The following LAMA3 variants were observed in gnomAD, a reference collection of about 807,000 sequenced individuals.
LAMA3 encodes laminin subunit alpha-3.
Under a neutral mutation model 402.0 loss-of-function variants are expected in LAMA3, and 281 were observed. The observed-to-expected ratio is 0.70, with a 90% CI of 0.63 to 0.77. LAMA3 has a LOEUF of 0.77. LAMA3 is among the 30% of genes least tolerant of loss of function. The pLI, the probability that LAMA3 is intolerant of heterozygous loss-of-function variation, is 0.00. For missense variants in LAMA3, 3,840 were observed against 4,215.5 expected, an observed-to-expected ratio of 0.91 and a Z score of 2.47; for synonymous variants, 1,431 against 1,558.4, an observed-to-expected ratio of 0.92 and a Z score of 1.93.
chr18:23,880,539 A>C (rs1568291024), intron 39 of LAMA3, among the ~76,000 whole-genome samples: 1 of 152,332 alleles, frequency 6.6e-6, no homozygotes, highest in East Asian at 1.9e-4. Context: ...CTTGGGATAT[A>C]AACGTATATT....
intron 2 of LAMA3, among the ~76,000 whole-genome samples, chr18:23,718,952 C>G (rs1471748866): frequency 6.6e-6 from 1 of 152,224 alleles, no homozygotes; most frequent in Non-Finnish European, 1.5e-5. Flanking sequence ...TACCGCATTT[C>G]CCTGCCTCTC....
intron 2 of LAMA3, among the ~76,000 whole-genome samples, chr18:23,727,516 G>C (rs575358049): frequency 6.6e-6 from 1 of 152,152 alleles, no homozygotes; most frequent in East Asian, 1.9e-4. Context: ...ACTACAGATG[G>C]GGTTTTGCCA....
At chr18:23,728,736 G>A (rs1237507566) in intron 2 of LAMA3, among the ~76,000 whole-genome samples, 3 of 152,030 alleles carry the variant, frequency 2.0e-5, no homozygotes, top group Non-Finnish European at 4.4e-5. Context: ...ATCTTTTAAA[G>A]AATGAAGGGA....
chr18:23,860,551 A>C (rs1598940738), intron 34 of LAMA3, among the ~76,000 whole-genome samples: 1 of 151,368 alleles, frequency 6.6e-6, no homozygotes, highest in East Asian at 1.9e-4. Flanking sequence ...GAGCCACCAC[A>C]CCCGGCCTTC....
At chr18:23,916,863 TA>T (rs1674406763) in intron 60 of LAMA3, among the ~76,000 whole-genome samples, 168 bp downstream of exon 60, 1 of 151,752 alleles carries the variant, frequency 6.6e-6, no homozygotes, top group South Asian at 2.1e-4. Flanking sequence ...CTGGGAAATG[TA>T]CTTTTTTTTT....
At chr18:23,887,338 G>A (rs927373206) in intron 41 of LAMA3, among the ~76,000 whole-genome samples, 2 of 152,082 alleles carry the variant, frequency 1.3e-5, no homozygotes, top group African/African-American at 4.8e-5. Flanking sequence ...TAGGCTCTGA[G>A]GTTTAAAAGC....
intron 19 of LAMA3, 31 bp from the exon 20 acceptor site, chr18:23,822,221 C>G: frequency 2.5e-6 from 4 of 1,613,084 alleles, no homozygotes; most frequent in South Asian, 1.1e-5. Context: ...CCATTTTTTT[C>G]TATGCTTTAT....
chr18:23,800,277 C>A (rs2062843270), intron 12 of LAMA3, among the ~76,000 whole-genome samples: 1 of 152,200 alleles, frequency 6.6e-6, no homozygotes, highest in African/African-American at 2.4e-5. Context: ...GAAATAAAGT[C>A]CTCGGGTGAT....
Position 23,902,989 on chromosome 18 carries a change from T to G in LAMA3, c.6202-20T>G, listed in dbSNP as rs1026088791. 1 of 1,359,376 alleles carries G rather than the reference T, an allele frequency of 7.4e-7. No individual in the cohort carries two copies. The highest frequency in any genetic ancestry group is 1.1e-6 in the Non-Finnish European group (1 of 951,422). The allele number at this position is 1,359,376 out of a possible 1,614,324, so 84.2% of individuals were successfully genotyped here. On this transcript the variant is annotated intron_variant, in intron 48 of 74. Coordinates refer to ENST00000313654, the MANE Select transcript of LAMA3 (RefSeq NM_198129.4). ...ATAATATATCATAGAGCTCAAGCAA[T>G]TTTTTTTTATTTTCTCCAGAGACAA... is the stretch of plus-strand genomic sequence containing the variant.
intron 54 of LAMA3, 85 bp from the exon 55 acceptor site, chr18:23,909,068 T>C: frequency 7.4e-7 from 1 of 1,343,976 alleles, no homozygotes; most frequent in Admixed American, 1.7e-5. Flanking sequence ...ACATGCCACT[T>C]GACAAATACT....
chr18:23,895,178 C>A, intron 44 of LAMA3, 120 bp downstream of exon 44: 1 of 1,163,078 alleles, frequency 8.6e-7, no homozygotes, highest in Non-Finnish European at 1.2e-6. Flanking sequence ...CCTCCTTCCT[C>A]TGATCCAAAT....
intron 27 of LAMA3, among the ~76,000 whole-genome samples, chr18:23,841,585 A>G (rs960622223): frequency 2.2e-4 from 34 of 152,178 alleles, no homozygotes; most frequent in African/African-American, 6.5e-4. Flanking sequence ...CAAAAGGGAC[A>G]AGGGTATAAT....
chr18:23,889,702 GAGGAAGGGAGGA>G (rs1376434153), intron 41 of LAMA3, among the ~76,000 whole-genome samples: 2 of 35,824 alleles, frequency 5.6e-5, no homozygotes. Context: ...GGAAGGGAGG[GAGGAAGGGAGGA>G]AGGAAGGAAG....
At chr18:23,811,054 C>T (rs2144288513) in intron 13 of LAMA3, among the ~76,000 whole-genome samples, 1 of 152,240 alleles carries the variant, frequency 6.6e-6, no homozygotes, top group South Asian at 2.1e-4. Context: ...GGGTGGGATG[C>T]ACTGGAGTCT....
intron 8 of LAMA3, among the ~76,000 whole-genome samples, chr18:23,771,493 G>T (rs1200914982): frequency 1.3e-5 from 2 of 152,210 alleles, no homozygotes; most frequent in African/African-American, 4.8e-5. Context: ...GGATTTCACA[G>T]ATGTATGCAT....
At chr18:23,856,029 T>A (rs1792186560) in intron 32 of LAMA3, among the ~76,000 whole-genome samples, 1 of 152,170 alleles carries the variant, frequency 6.6e-6, no homozygotes, top group African/African-American at 2.4e-5. Flanking sequence ...CCTGTAAGGT[T>A]TTTACATGTA....
At chr18:23,901,459 G>A in intron 48 of LAMA3, 136 bp downstream of exon 48, 1 of 734,334 alleles carries the variant, frequency 1.4e-6, no homozygotes, top group Non-Finnish European at 2.4e-6. Flanking sequence ...AGATCAGACA[G>A]GAACAAAGCG....
chr18:23,945,153 T>A (rs1451815973), intron 69 of LAMA3, among the ~76,000 whole-genome samples: 1 of 151,924 alleles, frequency 6.6e-6, no homozygotes, highest in African/African-American at 2.4e-5. Context: ...ATAAAAAAAA[T>A]AAAACTCTTA....
chr18:23,820,667 A>G (rs190634685), intron 19 of LAMA3, among the ~76,000 whole-genome samples: 1 of 152,304 alleles, frequency 6.6e-6, no homozygotes, highest in Admixed American at 6.5e-5. Flanking sequence ...CTGTATAGCC[A>G]TTGAGTAGCT....
Sources: gnomAD v4.1 joint callset for allele counts (sites outside exome capture counted in the v4.1 genomes callset) on GRCh38, gnomAD v4.1.1 for gene constraint, MANE v1.5 for transcripts, NCBI Gene and HGNC (gene_info 2026-07-23, HGNC 2026-07-21) for gene names.